Variants in FRMPD4 observed in about 807,000 individuals in gnomAD.
FRMPD4 encodes FERM and PDZ domain containing 4.
A neutral mutation model predicts 94.1 loss-of-function variants in FRMPD4; 22 were observed. The observed-to-expected ratio is 0.23, with a 90% CI of 0.17 to 0.33. The LOEUF is 0.33. FRMPD4 is among the 10% of genes least tolerant of loss of function. FRMPD4 has a pLI of 1.00. For missense variants in FRMPD4, 1,111 were observed against 1,339.9 expected (o/e 0.83, Z 2.67); for synonymous variants, 631 against 548.6 (o/e 1.15, Z -2.10).
chrX:11,881,876 G>T (rs1244302378), intron 3 of FRMPD4, among the ~76,000 whole-genome samples: 1 of 111,929 alleles, frequency 8.9e-6, no homozygotes, highest in Non-Finnish European at 1.9e-5. Flanking sequence ...ATAATACAGT[G>T]CAGTGAATGC....
intron 1 of FRMPD4, among the ~76,000 whole-genome samples, chrX:12,175,718 C>T (rs981529467): frequency 3.6e-5 from 4 of 111,361 alleles, no homozygotes; most frequent in Non-Finnish European, 7.5e-5. Context: ...TTTGCCATGT[C>T]GACCAGGCTG....
intron 2 of FRMPD4, among the ~76,000 whole-genome samples, chrX:11,876,480 A>C (rs1004877326): frequency 9.0e-6 from 1 of 111,272 alleles, no homozygotes; most frequent in African/African-American, 3.3e-5. Context: ...TTTGCTGTCA[A>C]AGATCAACTA....
intron 1 of FRMPD4, chrX:12,149,131 A>T (rs891425327): frequency 1.8e-5 from 2 of 111,981 alleles, no homozygotes; most frequent in Non-Finnish European, 3.8e-5. Flanking sequence ...AATTTGGCTG[A>T]TCTGAAGGTA....
intron 3 of FRMPD4, among the ~76,000 whole-genome samples, chrX:11,899,327 A>G (rs764324588): frequency 9.1e-6 from 1 of 110,252 alleles, no homozygotes; most frequent in South Asian, 4.0e-4. Flanking sequence ...GCAGACTAAA[A>G]CCTGACATCA....
At chrX:12,188,067 A>G (rs1228266639) in intron 1 of FRMPD4, among the ~76,000 whole-genome samples, 1 of 111,953 alleles carries the variant, frequency 8.9e-6, no homozygotes, top group Non-Finnish European at 1.9e-5. Context: ...CCATGGTCAC[A>G]TAGCACTGTG....
At chrX:12,197,950 A>G (rs1165874221) in intron 1 of FRMPD4, among the ~76,000 whole-genome samples, 1 of 112,216 alleles carries the variant, frequency 8.9e-6, no homozygotes, top group Non-Finnish European at 1.9e-5. Context: ...TCTCAGTCCC[A>G]TTTATAAACT....
At chrX:12,225,106 A>G (rs770964547) in intron 1 of FRMPD4, among the ~76,000 whole-genome samples, 3 of 112,170 alleles carry the variant, frequency 2.7e-5, no homozygotes, top group Admixed American at 1.9e-4. Context: ...AAATTCCTCC[A>G]CAATATAAAA....
intron 2 of FRMPD4, among the ~76,000 whole-genome samples, chrX:12,576,101 C>A (rs1337845748): frequency 8.9e-6 from 1 of 111,790 alleles, no homozygotes; most frequent in Non-Finnish European, 1.9e-5. Flanking sequence ...ATGATGTGTT[C>A]CAAAATCTCA....
At position 12,124,476 on chromosome X, in the gene FRMPD4, C is replaced by T. The variant is rs181958716; in HGVS notation, c.95+246458C>T. 3.5e-4 allele frequency among the ~76,000 whole-genome samples: 39 copies of T among 110,662 alleles called. 1 individual carries two copies. The Admixed American group carries it at 3.7e-3, about 10-fold the overall frequency. ...CCTGAGGAAAACAGATATTGGCCTC[C>T]AAAATATGAAAATAAGCTATAAAAT... On this transcript the variant is annotated intron_variant, in intron 3 of 18. Transcript: ENST00000640291.
intron 3 of FRMPD4, among the ~76,000 whole-genome samples, chrX:11,956,090 G>C (rs1271417805): frequency 8.9e-6 from 1 of 111,785 alleles, no homozygotes; most frequent in Non-Finnish European, 1.9e-5. Context: ...GCTCATCTTT[G>C]CCAAGTTGTC....
At chrX:12,170,218 C>T (rs778696891) in intron 1 of FRMPD4, among the ~76,000 whole-genome samples, 1 of 107,968 alleles carries the variant, frequency 9.3e-6, no homozygotes, top group African/African-American at 3.4e-5. Context: ...ACAAGGTCTC[C>T]TATTCTTTCT....
Position 12,024,360 on chromosome X carries a change from A to T in FRMPD4, c.95+146342A>T, listed in dbSNP as rs189770228. Among the ~76,000 whole-genome samples the T allele has an allele frequency of 3.1e-4, 35 of 112,212 alleles. No individual in the cohort carries two copies. In the Admixed American group the frequency reaches 3.3e-3, roughly 11 times the overall value. ...ACCATTGTACAGATGAGAAAACTGA[A>T]GTTCGGAGAAGTAAAATAATTTCTC... On this transcript the variant is annotated intron_variant, in intron 3 of 18. Coordinates refer to the FRMPD4 transcript ENST00000640291.
At chrX:12,020,834 A>T (rs970166475) in intron 3 of FRMPD4, among the ~76,000 whole-genome samples, 1 of 111,925 alleles carries the variant, frequency 8.9e-6, no homozygotes, top group Non-Finnish European at 1.9e-5. Flanking sequence ...CATGCAGGCC[A>T]TGATTCTCTA....
At chrX:12,232,991 A>G (rs898987209) in intron 1 of FRMPD4, among the ~76,000 whole-genome samples, 1 of 111,977 alleles carries the variant, frequency 8.9e-6, no homozygotes, top group Non-Finnish European at 1.9e-5. Context: ...CTTTTCAAAT[A>G]TAGTTTATAG....
chrX:12,190,323 C>A (rs2056475498), intron 1 of FRMPD4, among the ~76,000 whole-genome samples: 1 of 110,759 alleles, frequency 9.0e-6, no homozygotes, highest in Non-Finnish European at 1.9e-5. Flanking sequence ...CAGTCAAAAT[C>A]CCAGGAAGTT....
At position 12,294,485 on chromosome X, in the gene FRMPD4, C is replaced by CACACACACACACACACAGAG. The variant is rs34874624; in HGVS notation, c.41+155474_41+155475insCACACACACACACACAGAGA. Reference sequence around the variant, plus strand: ...ATAACTGTACACACACACACACACACAGAGAGAGAGAGAGAGAGAGTTTTA... The same window carrying CACACACACACACACACAGAG: ...ATAACTGTACACACACACACACACACACACACACACACACACAGAGAGAGAGAGAGAGAGAGAGAGTTTTA... On this transcript the variant is annotated intron_variant, in intron 1 of 16. Transcript: ENST00000675598. 6.4e-3 allele frequency among the ~76,000 whole-genome samples: 587 copies of CACACACACACACACACAGAG among 92,073 alleles called. 4 individuals are homozygous for CACACACACACACACACAGAG. The highest frequency in any genetic ancestry group is 0.021 in the African/African-American group (525 of 25,069). 80.0% of individuals were successfully genotyped at this position (92,073 alleles called of 115,157 possible).
chrX:12,405,931 A>G (rs5979615), intron 1 of FRMPD4, among the ~76,000 whole-genome samples: 40,177 of 109,772 alleles, frequency 0.37, 6,453 homozygotes, highest in African/African-American at 0.59. Flanking sequence ...GATTCTGGGA[A>G]GTGATGAGGA....
intron 1 of FRMPD4, among the ~76,000 whole-genome samples, chrX:12,400,911 AT>A (rs1351744673): frequency 1.8e-5 from 2 of 112,023 alleles, no homozygotes; most frequent in African/African-American, 6.5e-5. Context: ...AGCAAGTCTC[AT>A]AAAAAGGGTT....
chrX:12,652,530 C>G (rs2059605831), intron 4 of FRMPD4, among the ~76,000 whole-genome samples: 1 of 112,056 alleles, frequency 8.9e-6, no homozygotes, highest in East Asian at 2.8e-4. Flanking sequence ...CTCCCCATTT[C>G]CCCTTCTCCA....
Sources: allele counts gnomAD v4.1 joint callset (sites outside exome capture counted in the v4.1 genomes callset), GRCh38; gene constraint gnomAD v4.1.1; transcripts MANE v1.5; gene names NCBI Gene and HGNC (gene_info 2026-07-23, HGNC 2026-07-21).